GIPC3: variants seen among roughly 807,000 people sequenced by gnomAD.
GIPC3 encodes GIPC PDZ domain containing family member 3, also known as PDZ domain-containing protein GIPC3.
GIPC3 carries 16 observed loss-of-function variants against 27.3 expected under a neutral mutation model. The ratio of observed to expected loss-of-function variants is 0.59; its 90% CI spans 0.40 to 0.89. The LOEUF is 0.89. Among genes scored for constraint, GIPC3 ranks in the 40% least tolerant of loss-of-function variants. The pLI, the probability that GIPC3 is intolerant of heterozygous loss-of-function variation, is 0.00. For synonymous variants in GIPC3, 194 were observed against 184.6 expected (o/e 1.05, Z -0.41); for missense variants, 440 against 442.1 (o/e 1.00, Z 0.04).
In GIPC3 at chr19:3,593,174, T is replaced by G; in HGVS notation, c.*2984T>G. On this transcript the variant is annotated 3_prime_UTR_variant, in exon 6 of 6. Transcript: ENST00000644452. ...CCACCATATCTGTCACTCCTAGTCC[T>G]GCCCCTAGGGCAGCCCTCCTGAGTT... is the stretch of plus-strand genomic sequence containing the variant. 1.6e-6 allele frequency: 2 copies of G among 1,232,380 alleles called. No individual in the cohort carries two copies. Among genetic ancestry groups the G allele is most frequent in the South Asian group, 8.2e-5 (2 of 24,322 alleles). 76.3% of individuals were successfully genotyped at this position (1,232,380 alleles called of 1,614,324 possible). A position where few individuals can be genotyped will look rare whatever the true frequency, so the allele number is the denominator to read the frequency against.
At chr19:3,589,987 A>T in intron 5 of GIPC3, 52 bp from the exon 6 acceptor site, 1 of 1,613,184 alleles carries the variant, frequency 6.2e-7, no homozygotes, top group African/African-American at 1.3e-5. Flanking sequence ...CCCAGCGGGA[A>T]GTTGGGCGCG....
chr19:3,593,285 G>A lies in GIPC3; in HGVS notation c.*3095G>A, dbSNP rs868555485. Reference sequence around the variant, plus strand: ...GAGCCCGCCCTTACCGCGGGGGGCCGTAGCTTGGCTGTGACTTAGCCCTGG... The same window carrying A: ...GAGCCCGCCCTTACCGCGGGGGGCCATAGCTTGGCTGTGACTTAGCCCTGG... On this transcript the variant is annotated 3_prime_UTR_variant, in exon 6 of 6. Coordinates refer to ENST00000644452, the MANE Select transcript of GIPC3 (RefSeq NM_133261.3). 3.2e-5 allele frequency: 40 copies of A among 1,232,338 alleles called. No homozygotes were observed. The highest frequency in any genetic ancestry group is 6.3e-5 in the East Asian group (2 of 31,706). The allele number at this position is 1,232,338 out of a possible 1,614,324, so 76.3% of individuals were successfully genotyped here.
intron 3 of GIPC3, among the ~76,000 whole-genome samples, chr19:3,587,274 GT>G (rs1242342045): frequency 6.6e-6 from 1 of 151,708 alleles, no homozygotes; most frequent in Non-Finnish European, 1.5e-5. Context: ...ACTTGTTTTT[GT>G]TTGTTTGTTT....
At chr19:3,589,395 G>A (rs1028357925) in intron 3 of GIPC3, 48 bp from the exon 4 acceptor site, 3 of 1,391,428 alleles carry the variant, frequency 2.2e-6, no homozygotes, top group South Asian at 1.2e-5. Flanking sequence ...TTACAAAGAT[G>A]TGGCTCCACC....
Position 3,591,615 on chromosome 19 carries a change from A to T in GIPC3, c.*1425A>T, listed in dbSNP as rs1411343256. 4.9e-6 allele frequency: 6 copies of T among 1,232,876 alleles called. No homozygotes were observed. In the Admixed American group the frequency reaches 2.5e-4, roughly 52 times the overall value. 76.4% of individuals were successfully genotyped at this position (1,232,876 alleles called of 1,614,324 possible). On this transcript the variant is annotated 3_prime_UTR_variant, in exon 6 of 6. Transcript: ENST00000644452. ...AATCAAATCCTATTCAAGAACTCAG[A>T]CCAGCTCAGAAACCCAGGTCCACAC...
Position 3,586,612 on chromosome 19 carries a change from G to A in GIPC3, c.343G>A (p.Val115Ile). 6.2e-7 allele frequency: 1 copy of A among 1,612,706 alleles called. No homozygotes were observed. The highest frequency in any genetic ancestry group is 8.5e-7 in the Non-Finnish European group (1 of 1,179,608). The stretch of plus-strand genomic sequence containing the variant: ...GCGAGGCGAGACCAAGGAGGTGGAG[G>A]TCACTAAGACAGAGGATGCTCTGGG... ...HVRGETKEVEVTKTEDALGLT... is the reference protein window; with the variant it reads ...HVRGETKEVEITKTEDALGLT... The change falls in exon 2 of 6, where the codon GTC (valine) becomes ATC (isoleucine). Residue 115 changes from valine to isoleucine, a missense_variant. Physicochemically the swap from Val to Ile is conservative, Grantham distance 29 (BLOSUM62 3). Coordinates refer to ENST00000644452, the MANE Select transcript of GIPC3 (RefSeq NM_133261.3).
rs140960269 is a variant in GIPC3 at position 3,590,157 on chromosome 19, C to G, written c.906C>G (p.Ala302=). 6.2e-7 allele frequency: 1 copy of G among 1,608,320 alleles called. No individual in the cohort carries two copies. Among genetic ancestry groups the G allele is most frequent in the Non-Finnish European group, 8.5e-7 (1 of 1,177,944 alleles). The change falls in exon 6 of 6, where the codon GCC becomes GCG. Residue 302 remains alanine, a synonymous_variant. Transcript: ENST00000644452. ...ACGAGTTTGTGGTGGAAGTGTGGGC[C>G]GCCATCGGCGAGGCCAGAGAGGCCT... The part of the protein sequence containing the change: ...FPDEFVVEVW[A]AIGEAREACG
chr19:3,589,672 G>A (rs2032443541), intron 4 of GIPC3, 117 bp downstream of exon 4: 4 of 1,122,488 alleles, frequency 3.6e-6, no homozygotes, highest in Admixed American at 3.8e-5. Context: ...CCTGCAAAAT[G>A]GGTCCTCATT....
intron 3 of GIPC3, among the ~76,000 whole-genome samples, chr19:3,589,054 G>T (rs2032431284): frequency 1.3e-5 from 2 of 152,152 alleles, no homozygotes; most frequent in African/African-American, 2.4e-5. Flanking sequence ...CTGAGACTAA[G>T]TGTGTTTCTA....
Position 3,590,010 on chromosome 19 carries a change from A to G in GIPC3, c.788-29A>G, listed in dbSNP as rs781468743. On this transcript the variant is annotated intron_variant, in intron 5 of 5. Coordinates refer to ENST00000644452, the MANE Select transcript of GIPC3 (RefSeq NM_133261.3). ...GAAGTTGGGCGCGGGGAGTGCCCTC[A>G]CTGACATCCCCTCTGGCACGGCCCG... is the stretch of plus-strand genomic sequence containing the variant. 4 of 1,612,934 alleles carry G rather than the reference A, an allele frequency of 2.5e-6. No homozygotes were observed. The Admixed American group carries it at 5.0e-5, about 20-fold the overall frequency.
Position 3,591,291 on chromosome 19 carries a change from C to A in GIPC3, c.*1101C>A. 8.1e-7 allele frequency: 1 copy of A among 1,232,506 alleles called. No homozygotes were observed. Among genetic ancestry groups the A allele is most frequent in the Non-Finnish European group, 1.0e-6 (1 of 988,300 alleles). 76.3% of individuals were successfully genotyped at this position (1,232,506 alleles called of 1,614,324 possible). A position where few individuals can be genotyped will look rare whatever the true frequency, so the allele number is the denominator to read the frequency against. ...AGCCCAGGCCAGCTCTGAGACGAAG[C>A]ACATCTCTAGAATCCAGCTGAGCCC... On this transcript the variant is annotated 3_prime_UTR_variant, in exon 6 of 6. Transcript: ENST00000644452.
intron 4 of GIPC3, 52 bp from the exon 5 acceptor site, chr19:3,589,779 C>T: frequency 6.4e-7 from 1 of 1,574,680 alleles, no homozygotes; most frequent in Admixed American, 1.7e-5. Context: ...GGGGGCTGGG[C>T]TGGAGGGCTC....
chr19:3,589,371 TGGCCTCCCAGG>T (rs1322795893), intron 3 of GIPC3, 61 bp from the exon 4 acceptor site: 8 of 1,095,014 alleles, frequency 7.3e-6, no homozygotes, highest in Non-Finnish European at 1.1e-5. Flanking sequence ...GCTCGGCTGT[TGGCCTCCCAGG>T]GTTTACAAAG....
intron 3 of GIPC3, among the ~76,000 whole-genome samples, chr19:3,587,695 C>CT (rs1555704357): frequency 6.1e-5 from 8 of 131,204 alleles, no homozygotes; most frequent in Admixed American, 3.8e-4. Context: ...CTTTTCTTTT[C>CT]TTTTTTTTTT....
Position 3,591,853 on chromosome 19 carries a change from G to C in GIPC3, c.*1663G>C. 2 of 1,233,168 alleles carry C rather than the reference G, an allele frequency of 1.6e-6. No homozygotes were observed. The highest frequency in any genetic ancestry group is 2.0e-6 in the Non-Finnish European group (2 of 988,902). The allele number at this position is 1,233,168 out of a possible 1,614,324, so 76.4% of individuals were successfully genotyped here. On this transcript the variant is annotated 3_prime_UTR_variant, in exon 6 of 6. Coordinates refer to ENST00000644452, the MANE Select transcript of GIPC3 (RefSeq NM_133261.3). Reference sequence around the variant, plus strand: ...AGACCCAGCTCCAGCACACAGCTTGGTGCCAAGCCCCACTCTCCTTGCACA... The same window carrying C: ...AGACCCAGCTCCAGCACACAGCTTGCTGCCAAGCCCCACTCTCCTTGCACA...
At chr19:3,589,690 G>A (rs1430997898) in intron 4 of GIPC3, 135 bp downstream of exon 4, 3 of 1,106,644 alleles carry the variant, frequency 2.7e-6, no homozygotes, top group Non-Finnish European at 4.1e-6. Context: ...ATTGAAAAGT[G>A]GGGCAATGAT....
In GIPC3 at chr19:3,590,059, T is replaced by C; in HGVS notation, c.808T>C (p.Ser270Pro). Residue 270 changes from serine to proline, a missense_variant, in exon 6 of 6, where the codon TCC becomes CCC. Physicochemically the swap from Ser to Pro is moderately conservative, Grantham distance 74. Transcript: ENST00000644452. Reference sequence around the variant, plus strand: ...CGCAGCGTCCACCATGGTGGAGACGTCCAAGAAGACAGCGAGCGCCCAGGA... The same window carrying C: ...CGCAGCGTCCACCATGGTGGAGACGCCCAAGAAGACAGCGAGCGCCCAGGA... ...PELASTMVET[S>P]KKTASAQEFA... 6.2e-7 allele frequency: 1 copy of C among 1,612,216 alleles called. No individual in the cohort carries two copies.
At chr19:3,586,261 C>A (rs1239215774) in intron 1 of GIPC3, among the ~76,000 whole-genome samples, 1 of 152,092 alleles carries the variant, frequency 6.6e-6, no homozygotes, top group African/African-American at 2.4e-5. Flanking sequence ...CCCCAGGGGG[C>A]GCCAGCAGAT....
In GIPC3 at chr19:3,585,628, G is replaced by A. The variant is rs2032348131; in HGVS notation, c.31G>A (p.Gly11Arg). Residue 11 changes from glycine (G) to arginine (R), a missense_variant, in exon 1 of 6, where the codon GGG becomes AGG. Gly to Arg is a moderately radical substitution (Grantham distance 125). Coordinates refer to ENST00000644452, the MANE Select transcript of GIPC3 (RefSeq NM_133261.3). MEGAAAREAR[G>R]TETPRASAPP... ...GGGAGCAGCGGCCCGGGAGGCCCGG[G>A]GGACCGAGACCCCGCGCGCGTCTGC... The A allele has an allele frequency of 1.7e-6, 2 of 1,177,532 alleles. No individual in the cohort carries two copies. The highest frequency in any genetic ancestry group is 2.1e-6 in the Non-Finnish European group (2 of 955,214). The allele number at this position is 1,177,532 out of a possible 1,614,324, so 72.9% of individuals were successfully genotyped here. A position where few individuals can be genotyped will look rare whatever the true frequency, so the allele number is the denominator to read the frequency against.
Sources: allele counts gnomAD v4.1 joint callset (sites outside exome capture counted in the v4.1 genomes callset), GRCh38; gene constraint gnomAD v4.1.1; transcripts MANE v1.5; gene names NCBI Gene and HGNC (gene_info 2026-07-23, HGNC 2026-07-21).